FAM222B: variants seen among roughly 807,000 people sequenced by gnomAD.
FAM222B encodes the protein protein FAM222B.
FAM222B carries 12 observed loss-of-function variants against 38.0 expected under a neutral mutation model. The ratio of observed to expected loss-of-function variants is 0.32; its 90% CI spans 0.20 to 0.51. FAM222B has a LOEUF of 0.51. Among genes scored for constraint, FAM222B ranks in the 20% least tolerant of loss-of-function variants. The pLI is 0.97. For missense variants in FAM222B, 716 were observed against 754.2 expected (o/e 0.95, Z 0.59); for synonymous variants, 329 against 317.2 (o/e 1.04, Z -0.40).
upstream of FAM222B, among the ~76,000 whole-genome samples, chr17:28,845,938 T>C (rs549430358): frequency 1.1e-4 from 17 of 150,580 alleles, no homozygotes; most frequent in Admixed American, 3.3e-4. Flanking sequence ...GCCTGGTGGC[T>C]CACGCCTGTA....
chr17:28,797,432 G>A (rs1432313064), intron 1 of FAM222B, among the ~76,000 whole-genome samples: 2 of 152,056 alleles, frequency 1.3e-5, no homozygotes, highest in African/African-American at 4.8e-5. Context: ...TTTGAAGAAG[G>A]GCAATTTTAA....
chr17:28,848,037 G>A (rs941560121), intron 1 of FAM222B, among the ~76,000 whole-genome samples: 8 of 152,198 alleles, frequency 5.3e-5, no homozygotes, highest in African/African-American at 1.9e-4. Context: ...CACTTTGGAA[G>A]GCTGAGGTGG....
chr17:28,809,989 T>G (rs541520650), intron 1 of FAM222B, among the ~76,000 whole-genome samples: 153 of 151,884 alleles, frequency 1.0e-3, no homozygotes, highest in African/African-American at 3.4e-3. Flanking sequence ...CAACTGGTTT[T>G]TTTTTGTTTT....
intron 1 of FAM222B, among the ~76,000 whole-genome samples, chr17:28,851,973 G>A (rs147310149): frequency 6.6e-6 from 1 of 151,648 alleles, no homozygotes; most frequent in African/African-American, 2.4e-5. Flanking sequence ...AATCACCTGA[G>A]CCCAGGAGGT....
chr17:28,781,298 CAAAA>C (rs1244869180), intron 1 of FAM222B, among the ~76,000 whole-genome samples: 1 of 151,662 alleles, frequency 6.6e-6, no homozygotes, highest in Non-Finnish European at 1.5e-5. Context: ...AACCTTGTCT[CAAAA>C]AACAAAAAAC....
chr17:28,800,115 T>A (rs1179706818), intron 1 of FAM222B, among the ~76,000 whole-genome samples: 1 of 151,736 alleles, frequency 6.6e-6, no homozygotes, highest in Admixed American at 6.6e-5. Flanking sequence ...CACAGCAACC[T>A]CCGCCTCCCG....
Position 28,824,947 on chromosome 17 carries a change from TAGA to T in FAM222B, c.-41+17732_-41+17734del, listed in dbSNP as rs550157381. Among the ~76,000 whole-genome samples the T allele has an allele frequency of 4.1e-3, 622 of 152,166 alleles. 7 individuals carry two copies. Among genetic ancestry groups the T allele is most frequent in the African/African-American group, 0.013 (554 of 41,536 alleles). On this transcript the variant is annotated intron_variant, in intron 1 of 2. Coordinates refer to ENST00000581407, the MANE Select transcript of FAM222B (RefSeq NM_001077498.3). The stretch of plus-strand genomic sequence containing the variant: ...CGCCCAGCTAATTTTGTATTTTTAG[TAGA>T]GATGGGGTTTCTCCATGTTGGTCTG...
chr17:28,776,271 G>C (rs2035891282), intron 1 of FAM222B, among the ~76,000 whole-genome samples: 1 of 150,520 alleles, frequency 6.6e-6, no homozygotes, highest in Admixed American at 6.6e-5. Context: ...CAGCTACTCG[G>C]GAGGCTGAGG....
intron 1 of FAM222B, among the ~76,000 whole-genome samples, chr17:28,850,589 C>T (rs957954553): frequency 1.3e-5 from 2 of 152,118 alleles, no homozygotes; most frequent in South Asian, 2.1e-4. Context: ...TGAGCCACCG[C>T]GCCCGGCCGG....
intron 1 of FAM222B, among the ~76,000 whole-genome samples, chr17:28,777,533 T>A (rs1234336780): frequency 6.6e-6 from 1 of 152,192 alleles, no homozygotes; most frequent in East Asian, 1.9e-4. Context: ...GTGACCTTCC[T>A]AAGACCACAG....
chr17:28,777,323 T>A (rs2035940587), intron 1 of FAM222B, among the ~76,000 whole-genome samples: 1 of 152,184 alleles, frequency 6.6e-6, no homozygotes, highest in Admixed American at 6.6e-5. Context: ...CAGGTCCTCT[T>A]CCCATCCTGT....
intron 1 of FAM222B, among the ~76,000 whole-genome samples, chr17:28,841,210 G>C (rs2039026049): frequency 6.6e-6 from 1 of 151,916 alleles, no homozygotes; most frequent in African/African-American, 2.4e-5. Flanking sequence ...CAGGAGAATC[G>C]CTTGAACCCG....
chr17:28,797,908 T>C (rs1597950275), intron 1 of FAM222B, among the ~76,000 whole-genome samples: 1 of 147,696 alleles, frequency 6.8e-6, no homozygotes, highest in East Asian at 2.0e-4. Flanking sequence ...AAAAAAAAAA[T>C]TAGCCAGGTG....
rs1310645749 is a variant in FAM222B at position 28,837,389 on chromosome 17, C to T, written c.-41+5293G>A. Among the ~76,000 whole-genome samples, 20 of 150,278 alleles carry T rather than the reference C, an allele frequency of 1.3e-4. 1 individual carries two copies. The East Asian group carries it at 3.7e-3, about 28-fold the overall frequency. On this transcript the variant is annotated intron_variant, in intron 1 of 2. Coordinates refer to ENST00000581407, the MANE Select transcript of FAM222B (RefSeq NM_001077498.3). The stretch of plus-strand genomic sequence containing the variant: ...AGCTTGCAGTGAGCCGAGATCGAGC[C>T]ACTGCACTCCAGCCTGGGCGACCGA...
chr17:28,815,821 G>A (rs1446052029), intron 1 of FAM222B, among the ~76,000 whole-genome samples: 2 of 151,982 alleles, frequency 1.3e-5, no homozygotes, highest in African/African-American at 4.8e-5. Context: ...ACAAAAATTA[G>A]CCAAGTGTGG....
chr17:28,791,154 C>T (rs1456319983), intron 1 of FAM222B, among the ~76,000 whole-genome samples: 1 of 151,724 alleles, frequency 6.6e-6, no homozygotes, highest in Admixed American at 6.6e-5. Flanking sequence ...TCGTGATCTG[C>T]CCACCTCGGC....
chr17:28,800,403 G>A (rs1261539986), intron 1 of FAM222B, among the ~76,000 whole-genome samples: 1 of 151,968 alleles, frequency 6.6e-6, no homozygotes, highest in East Asian at 1.9e-4. Context: ...GGAGGGAGTT[G>A]GTATAAACAA....
chr17:28,809,877 C>T (rs1032813560), intron 1 of FAM222B, among the ~76,000 whole-genome samples: 3 of 152,072 alleles, frequency 2.0e-5, no homozygotes, highest in African/African-American at 4.8e-5. Context: ...TAAAGCTGTA[C>T]TTACTGCTCA....
At chr17:28,820,493 G>A (rs1048046941) in intron 1 of FAM222B, among the ~76,000 whole-genome samples, 6 of 152,120 alleles carry the variant, frequency 3.9e-5, no homozygotes, top group Admixed American at 3.9e-4. Context: ...TCTTTTGTGT[G>A]TGAGTGTTTC....
Sources: allele counts gnomAD v4.1 joint callset (sites outside exome capture counted in the v4.1 genomes callset), GRCh38; gene constraint gnomAD v4.1.1; transcripts MANE v1.5; gene names NCBI Gene and HGNC (gene_info 2026-07-23, HGNC 2026-07-21).